IDE: variants seen among roughly 807,000 people sequenced by gnomAD.
IDE encodes insulin-degrading enzyme.
In IDE, 58 loss-of-function variants were observed where a neutral mutation model predicts 133.2. That is an observed-to-expected ratio of 0.44 (90% confidence interval 0.35 to 0.54). The LOEUF is 0.54. IDE is among the 20% of genes least tolerant of loss of function. The pLI is 0.00. For missense variants in IDE, 981 were observed against 1,234.0 expected, an observed-to-expected ratio of 0.79 and a Z score of 3.07; for synonymous variants, 396 against 421.3, an observed-to-expected ratio of 0.94 and a Z score of 0.73.
At chr10:92,466,314 C>A (rs1845685249) in intron 19 of IDE, among the ~76,000 whole-genome samples, 1 of 151,214 alleles carries the variant, frequency 6.6e-6, no homozygotes, top group South Asian at 2.1e-4. Context: ...ATCCTTCTAG[C>A]CTTTTTGTAC....
In IDE at chr10:92,507,556, T is replaced by G. The variant is rs1564632494; in HGVS notation, c.1245+19A>C. On this transcript the variant is annotated intron_variant, in intron 9 of 24. Coordinates refer to ENST00000265986, the MANE Select transcript of IDE (RefSeq NM_004969.4). ...GAAAAACAGATTCCTTAAGAAAAATTTTGGTGAAACAAAAGTACCTTGCAC... is the reference window on the plus strand; with the variant it reads ...GAAAAACAGATTCCTTAAGAAAAATGTTGGTGAAACAAAAGTACCTTGCAC... The G allele has an allele frequency of 1.5e-6, 2 of 1,323,634 alleles. No individual in the cohort carries two copies. Among genetic ancestry groups the G allele is most frequent in the East Asian group, 2.3e-5 (1 of 43,568 alleles). The allele number at this position is 1,323,634 out of a possible 1,614,324, so 82.0% of individuals were successfully genotyped here.
At chr10:92,530,624 C>T (rs1010064131) in intron 4 of IDE, among the ~76,000 whole-genome samples, 1 of 152,166 alleles carries the variant, frequency 6.6e-6, no homozygotes, top group East Asian at 1.9e-4. Flanking sequence ...CCATTCTTGA[C>T]ATACCATGTA....
intron 4 of IDE, among the ~76,000 whole-genome samples, chr10:92,527,293 T>C (rs1272592573): frequency 1.3e-5 from 2 of 152,194 alleles, no homozygotes; most frequent in African/African-American, 4.8e-5. Context: ...GGGCCTATAA[T>C]CTGTTCTACT....
rs995466662 is a variant in IDE at position 92,518,933 on chromosome 10, C to T, written c.662-3891G>A. On this transcript the variant is annotated intron_variant, in intron 4 of 24. Coordinates refer to ENST00000265986, the MANE Select transcript of IDE (RefSeq NM_004969.4). The stretch of plus-strand genomic sequence containing the variant: ...ATGCAACTGAAGTGTACACCGGATG[C>T]TCAAAGTGCATTTGTAACGTTCTCT... Among the ~76,000 whole-genome samples the T allele has an allele frequency of 3.9e-5, 6 of 152,142 alleles. 1 individual carries two copies. Among genetic ancestry groups the T allele is most frequent in the Non-Finnish European group, 7.4e-5 (5 of 68,024 alleles).
intron 8 of IDE, 127 bp downstream of exon 8, chr10:92,507,986 T>C (rs542565726): frequency 1.4e-5 from 10 of 718,484 alleles, no homozygotes; most frequent in Admixed American, 2.5e-5. Context: ...AAAAATACAA[T>C]GGATAAGTTG....
At chr10:92,487,800 C>T (rs1365270027) in intron 12 of IDE, among the ~76,000 whole-genome samples, 1 of 152,164 alleles carries the variant, frequency 6.6e-6, no homozygotes, top group East Asian at 1.9e-4. Context: ...TAGTACTTCT[C>T]TCTTTTTTTT....
At chr10:92,550,107 G>A (rs907000252) in intron 1 of IDE, among the ~76,000 whole-genome samples, 1 of 152,038 alleles carries the variant, frequency 6.6e-6, no homozygotes, top group Non-Finnish European at 1.5e-5. Context: ...AGTGGAGGTC[G>A]CAGCAAGCTG....
chr10:92,500,956 G>A (rs1020684102), intron 11 of IDE, among the ~76,000 whole-genome samples: 2 of 150,814 alleles, frequency 1.3e-5, no homozygotes, highest in African/African-American at 4.9e-5. Context: ...CAAGAGAACC[G>A]CTTGAACCTG....
At chr10:92,514,038 T>C (rs1368901275) in intron 5 of IDE, among the ~76,000 whole-genome samples, 1 of 152,226 alleles carries the variant, frequency 6.6e-6, no homozygotes, top group African/African-American at 2.4e-5. Flanking sequence ...CCTATTAACA[T>C]TTAGATTTCT....
intron 1 of IDE, among the ~76,000 whole-genome samples, chr10:92,556,786 C>T (rs892076417): frequency 2.7e-5 from 4 of 150,688 alleles, no homozygotes; most frequent in South Asian, 2.1e-4. Flanking sequence ...TAGCTGAACA[C>T]GGTGGTGGGC....
chr10:92,537,617 A>T, intron 1 of IDE, 67 bp from the exon 2 acceptor site: 1 of 1,178,016 alleles, frequency 8.5e-7, no homozygotes. Flanking sequence ...AATAACGTCA[A>T]GTAAACCCAT....
intron 1 of IDE, among the ~76,000 whole-genome samples, chr10:92,546,559 CAGTAGTA>C (rs1842541354): frequency 6.6e-6 from 1 of 152,156 alleles, no homozygotes; most frequent in African/African-American, 2.4e-5. Flanking sequence ...CACTAAGGAA[CAGTAGTA>C]CAATTAACAT....
chr10:92,465,717 G>A lies in IDE; in HGVS notation c.2447C>T (p.Ser816Leu), dbSNP rs770839965. ...MFLELFCQIISEPCFNTLRTK... is the reference protein window; with the variant it reads ...MFLELFCQIILEPCFNTLRTK... Reference sequence around the variant, plus strand: ...GCGCAGGGTGTTGAAGCAAGGTTCCGAGATAATCTGACAGAAGAGCTCCAG... The same window carrying A: ...GCGCAGGGTGTTGAAGCAAGGTTCCAAGATAATCTGACAGAAGAGCTCCAG... The change falls in exon 20 of 25, where the codon TCG becomes TTG. Residue 816 changes from serine to leucine, a missense_variant. Ser to Leu is a moderately radical substitution (Grantham distance 145, BLOSUM62 -2). Coordinates refer to ENST00000265986, the MANE Select transcript of IDE (RefSeq NM_004969.4). 22 of 1,613,954 alleles carry A rather than the reference G, an allele frequency of 1.4e-5. No homozygotes were observed. The Middle Eastern group carries it at 9.9e-4, about 73-fold the overall frequency.
At chr10:92,551,361 A>C (rs1488763536) in intron 1 of IDE, among the ~76,000 whole-genome samples, 3 of 151,970 alleles carry the variant, frequency 2.0e-5, no homozygotes, top group Admixed American at 2.0e-4. Flanking sequence ...GGAGGTCAAG[A>C]GATCGAGACC....
intron 5 of IDE, among the ~76,000 whole-genome samples, chr10:92,513,982 A>G (rs1208262059): frequency 1.3e-5 from 2 of 152,220 alleles, no homozygotes; most frequent in African/African-American, 4.8e-5. Context: ...TTATTTTTCT[A>G]TAAGATATTC....
intron 1 of IDE, among the ~76,000 whole-genome samples, chr10:92,566,062 G>C (rs1015340011): frequency 1.3e-5 from 2 of 151,450 alleles, no homozygotes; most frequent in Admixed American, 6.6e-5. Context: ...CATTAAACAA[G>C]ACAACATATG....
chr10:92,573,780 A>C, intron 1 of IDE, 142 bp downstream of exon 1: 1 of 598,422 alleles, frequency 1.7e-6, no homozygotes, highest in Non-Finnish European at 2.7e-6. Context: ...TCAGCGCGGC[A>C]GTACGGGCCC....
At chr10:92,475,497 T>C (rs1026839665) in intron 16 of IDE, among the ~76,000 whole-genome samples, 2 of 152,182 alleles carry the variant, frequency 1.3e-5, no homozygotes, top group Non-Finnish European at 2.9e-5. Context: ...ACCCAAATAG[T>C]GTGCTCTAAT....
intron 11 of IDE, among the ~76,000 whole-genome samples, chr10:92,501,324 T>C (rs1371732172): frequency 1.7e-5 from 2 of 120,834 alleles, no homozygotes; most frequent in African/African-American, 6.7e-5. Context: ...ATGACACTAG[T>C]GCACTCCAGC....
Sources: allele counts gnomAD v4.1 joint callset (sites outside exome capture counted in the v4.1 genomes callset), GRCh38; gene constraint gnomAD v4.1.1; transcripts MANE v1.5; gene names NCBI Gene and HGNC (gene_info 2026-07-23, HGNC 2026-07-21).